LRP2: variants seen among roughly 807,000 people sequenced by gnomAD.
LRP2 encodes low-density lipoprotein receptor-related protein 2.
Under a neutral mutation model 531.0 loss-of-function variants are expected in LRP2, and 172 were observed. That is an observed-to-expected ratio of 0.32 (90% confidence interval 0.29 to 0.37). The LOEUF (loss-of-function observed/expected upper bound fraction) is 0.37, where lower values mean the gene tolerates loss of function less well. Among genes scored for constraint, LRP2 ranks in the 10% least tolerant of loss-of-function variants. The pLI, the probability that LRP2 is intolerant of heterozygous loss-of-function variation, is 1.00. For missense variants in LRP2, 5,167 were observed against 5,868.3 expected, an observed-to-expected ratio of 0.88 and a Z score of 3.90; for synonymous variants, 1,992 against 2,027.6, an observed-to-expected ratio of 0.98 and a Z score of 0.47.
chr2:169,285,153 TA>T (rs58043794), intron 9 of LRP2, among the ~76,000 whole-genome samples: 55,538 of 134,582 alleles, frequency 0.41, 10,760 homozygotes, highest in Admixed American at 0.54. Flanking sequence ...TACTAAGAAT[TA>T]AAAAAAAAAA....
chr2:169,183,475 CATTAT>C lies in LRP2; in HGVS notation c.9846-1161_9846-1157del, dbSNP rs533426253. Among the ~76,000 whole-genome samples, 45 of 152,190 alleles carry C rather than the reference CATTAT, an allele frequency of 3.0e-4. 3 individuals carry two copies. The highest frequency in any genetic ancestry group is 2.7e-3 in the Admixed American group (42 of 15,292). On this transcript the variant is annotated intron_variant, in intron 50 of 78. Transcript: ENST00000649046. ...GCCTCAGACCAGGGACTTTTTAAAA[CATTAT>C]ATTATTTCAGATCACAACAGGCTTA...
At chr2:169,361,368 C>CTCTG (rs1686152304) in intron 1 of LRP2, among the ~76,000 whole-genome samples, 3 of 102,732 alleles carry the variant, frequency 2.9e-5, no homozygotes, top group Non-Finnish European at 5.9e-5. Context: ...CTCTCTCTCT[C>CTCTG]TCTCTCTCCC....
intron 27 of LRP2, 140 bp from the exon 28 acceptor site, chr2:169,237,427 G>T: frequency 1.5e-6 from 1 of 668,516 alleles, no homozygotes; most frequent in Non-Finnish European, 2.6e-6. Context: ...GTCTCCTCAT[G>T]TAGCTAACCA....
intron 5 of LRP2, 144 bp from the exon 6 acceptor site, chr2:169,294,405 T>C (rs1188521314): frequency 2.2e-5 from 17 of 760,544 alleles, no homozygotes; most frequent in Non-Finnish European, 3.8e-5. Flanking sequence ...GAACCAGTTA[T>C]CCAGGAACAA....
At chr2:169,261,787 A>G (rs1175441646) in intron 16 of LRP2, among the ~76,000 whole-genome samples, 1 of 152,116 alleles carries the variant, frequency 6.6e-6, no homozygotes, top group African/African-American at 2.4e-5. Flanking sequence ...CAGAGACACA[A>G]CCAAAACAGA....
chr2:169,223,358 C>CT (rs1208578139), intron 33 of LRP2, among the ~76,000 whole-genome samples: 1 of 152,138 alleles, frequency 6.6e-6, no homozygotes, highest in African/African-American at 2.4e-5. Context: ...TTTTGGAAAA[C>CT]TATCAGTTTA....
chr2:169,142,553 C>T, intron 71 of LRP2, 121 bp downstream of exon 71: 2 of 1,416,012 alleles, frequency 1.4e-6, no homozygotes, highest in South Asian at 2.3e-5. Context: ...CATCCCTTAA[C>T]CCTCCTTCCA....
chr2:169,149,069 T>C (rs951361244), intron 68 of LRP2, among the ~76,000 whole-genome samples: 4 of 152,224 alleles, frequency 2.6e-5, no homozygotes, highest in African/African-American at 9.6e-5. Flanking sequence ...TCCCTTTGTA[T>C]CTTATATTAT....
At chr2:169,188,533 A>G (rs980840457) in intron 48 of LRP2, among the ~76,000 whole-genome samples, 96 of 152,198 alleles carry the variant, frequency 6.3e-4, no homozygotes, top group African/African-American at 2.3e-3. Context: ...AAATGCTACC[A>G]TTTAATAGCT....
Position 169,308,626 on chromosome 2 carries a change from T to A in LRP2, c.311-1229A>T, listed in dbSNP as rs555368640. Among the ~76,000 whole-genome samples, 11 of 152,376 alleles carry A rather than the reference T, an allele frequency of 7.2e-5. No individual in the cohort carries two copies. In the South Asian group the frequency reaches 1.2e-3, roughly 17 times the overall value. Reference sequence around the variant, plus strand: ...TTTTCTTAATCCAGTGTATCATTGATGGACTTTTGGGTTGGTCCCAAGTCT... The same window carrying A: ...TTTTCTTAATCCAGTGTATCATTGAAGGACTTTTGGGTTGGTCCCAAGTCT... On this transcript the variant is annotated intron_variant, in intron 3 of 78. Coordinates refer to ENST00000649046, the MANE Select transcript of LRP2 (RefSeq NM_004525.3).
intron 54 of LRP2, 105 bp downstream of exon 54, chr2:169,176,306 C>G: frequency 7.4e-7 from 1 of 1,355,110 alleles, no homozygotes; most frequent in South Asian, 1.2e-5. Context: ...AGTTAATTAA[C>G]CAAAATCTTG....
chr2:169,201,977 G>A, intron 43 of LRP2, 107 bp from the exon 44 acceptor site: 1 of 1,438,168 alleles, frequency 7.0e-7, no homozygotes, highest in Non-Finnish European at 9.5e-7. Context: ...TACCTTCCAA[G>A]GCAAAAAACG....
chr2:169,145,693 T>C, intron 70 of LRP2, 54 bp downstream of exon 70: 1 of 1,546,342 alleles, frequency 6.5e-7, no homozygotes, highest in Non-Finnish European at 8.9e-7. Flanking sequence ...GCCATTATTT[T>C]GAAATAAGAT....
At chr2:169,321,370 A>G (rs1480669195) in intron 1 of LRP2, among the ~76,000 whole-genome samples, 8 of 152,086 alleles carry the variant, frequency 5.3e-5, no homozygotes, top group Non-Finnish European at 2.9e-5. Flanking sequence ...AAAAATGGTT[A>G]TGGAGAAATT....
chr2:169,220,655 C>T lies in LRP2; in HGVS notation c.5539-92G>A, dbSNP rs3815572. On this transcript the variant is annotated intron_variant, in intron 33 of 78. Transcript: ENST00000649046. ...GAGAACTTATGTACAAAACAAATTCCAAAGCACGATTAGGGATGGATGAGA... is the reference window on the plus strand; with the variant it reads ...GAGAACTTATGTACAAAACAAATTCTAAAGCACGATTAGGGATGGATGAGA... 0.37 allele frequency: 298,435 copies of T among 800,718 alleles called. 58,434 individuals carry two copies. Among genetic ancestry groups the T allele is most frequent in the South Asian group, 0.59 (40,675 of 68,732 alleles). 49.6% of individuals were successfully genotyped at this position (800,718 alleles called of 1,614,324 possible).
chr2:169,154,261 T>G (rs1686251535), intron 66 of LRP2, among the ~76,000 whole-genome samples, 199 bp downstream of exon 66: 1 of 151,438 alleles, frequency 6.6e-6, no homozygotes, highest in Non-Finnish European at 1.5e-5. Flanking sequence ...ATCGGAGGAG[T>G]TTTAGAAAGA....
At chr2:169,212,923 TA>T (rs890462438) in intron 36 of LRP2, among the ~76,000 whole-genome samples, 70 of 145,854 alleles carry the variant, frequency 4.8e-4, no homozygotes, top group East Asian at 9.9e-4. Flanking sequence ...TATGGAAAAA[TA>T]AAAAAAAAAG....
intron 30 of LRP2, among the ~76,000 whole-genome samples, chr2:169,232,830 T>G (rs1462170027): frequency 1.3e-5 from 2 of 152,088 alleles, no homozygotes; most frequent in Non-Finnish European, 2.9e-5. Flanking sequence ...AGCAGGGAAA[T>G]AGCAGCAGCC....
intron 44 of LRP2, among the ~76,000 whole-genome samples, chr2:169,201,054 T>C (rs886665026): frequency 6.6e-6 from 1 of 152,184 alleles, no homozygotes; most frequent in Admixed American, 6.5e-5. Flanking sequence ...TACCAGTTCA[T>C]AGGAAATAAG....
Sources: gnomAD v4.1 joint callset for allele counts (sites outside exome capture counted in the v4.1 genomes callset) on GRCh38, gnomAD v4.1.1 for gene constraint, MANE v1.5 for transcripts, NCBI Gene and HGNC (gene_info 2026-07-23, HGNC 2026-07-21) for gene names.